PTPRG: variants seen among roughly 807,000 people sequenced by gnomAD.
The protein encoded by PTPRG is protein tyrosine phosphatase receptor type G, also known as receptor-type tyrosine-protein phosphatase gamma.
Under a neutral mutation model 165.3 loss-of-function variants are expected in PTPRG, and 102 were observed. That is an observed-to-expected ratio of 0.62 (90% CI 0.53 to 0.73). The LOEUF (loss-of-function observed/expected upper bound fraction) is 0.73. Among genes scored for constraint, PTPRG ranks in the 30% least tolerant of loss-of-function variants. The pLI is 0.00. For missense variants in PTPRG, 1,866 were observed against 1,861.4 expected (o/e 1.00, Z -0.05); for synonymous variants, 675 against 669.5 (o/e 1.01, Z -0.13).
rs1553662684 is a variant in PTPRG at position 62,265,896 on chromosome 3, T to TATATACACACACACACACACACAC, written c.2657-1513_2657-1512insTATACACACACACACACACACACA. Among the ~76,000 whole-genome samples, 973 of 130,574 alleles carry TATATACACACACACACACACACAC rather than the reference T, an allele frequency of 7.5e-3. 16 individuals are homozygous for TATATACACACACACACACACACAC. Among genetic ancestry groups the TATATACACACACACACACACACAC allele is most frequent in the East Asian group, 0.051 (228 of 4,484 alleles). The allele number at this position is 130,574 out of a possible 152,430, so 85.7% of individuals were successfully genotyped here. Reference sequence around the variant, plus strand: ...CACACGTATACATCTGTGCCTTATATACACACACACACACACACACACACA... The same window carrying TATATACACACACACACACACACAC: ...CACACGTATACATCTGTGCCTTATATATATACACACACACACACACACACACACACACACACACACACACACACA... On this transcript the variant is annotated intron_variant, in intron 17 of 29. Transcript: ENST00000474889.
chr3:62,081,249 T>G (rs1162068040), intron 5 of PTPRG, among the ~76,000 whole-genome samples: 1 of 123,492 alleles, frequency 8.1e-6, no homozygotes, highest in Non-Finnish European at 1.7e-5. Flanking sequence ...AGAGTGAGAC[T>G]CCGTCTCAAA....
intron 1 of PTPRG, among the ~76,000 whole-genome samples, chr3:61,607,450 A>G (rs925715576): frequency 1.5e-4 from 16 of 109,048 alleles, no homozygotes; most frequent in African/African-American, 4.8e-4. Flanking sequence ...AGATGCATCA[A>G]ACACTACTGT....
At chr3:61,837,009 A>G (rs2036487412) in intron 2 of PTPRG, among the ~76,000 whole-genome samples, 1 of 152,036 alleles carries the variant, frequency 6.6e-6, no homozygotes, top group African/African-American at 2.4e-5. Context: ...CTCCTGGGTT[A>G]AAGCGATTCT....
At chr3:61,779,807 C>T (rs1264618541) in intron 2 of PTPRG, among the ~76,000 whole-genome samples, 2 of 152,202 alleles carry the variant, frequency 1.3e-5, no homozygotes, top group African/African-American at 4.8e-5. Context: ...TGTCCTCCTG[C>T]TGGCACTTGC....
intron 28 of PTPRG, among the ~76,000 whole-genome samples, chr3:62,290,241 T>A (rs1029329596): frequency 6.6e-6 from 1 of 152,144 alleles, no homozygotes; most frequent in African/African-American, 2.4e-5. Flanking sequence ...AAAGACATTG[T>A]GTTCATGAAG....
intron 7 of PTPRG, among the ~76,000 whole-genome samples, chr3:62,164,064 G>T (rs1704871648): frequency 6.6e-6 from 1 of 152,182 alleles, no homozygotes; most frequent in Non-Finnish European, 1.5e-5. Flanking sequence ...CTATTAACCA[G>T]ATCTAGAAAA....
In PTPRG at chr3:61,668,311, T is replaced by TA. The variant is rs1447223562; in HGVS notation, c.86-80566dup. 1.6e-3 allele frequency among the ~76,000 whole-genome samples: 242 copies of TA among 152,328 alleles called. 1 individual carries two copies. Among genetic ancestry groups the TA allele is most frequent in the African/African-American group, 5.6e-3 (234 of 41,568 alleles). ...TGAAATCATTTACAGGACACCCCTCTATCAGGCATTTGGGGGAAGAGAAAG... is the reference window on the plus strand; with the variant it reads ...TGAAATCATTTACAGGACACCCCTCTAATCAGGCATTTGGGGGAAGAGAAAG... On this transcript the variant is annotated intron_variant, in intron 1 of 29. Coordinates refer to ENST00000474889, the MANE Select transcript of PTPRG (RefSeq NM_002841.4).
At chr3:62,104,635 G>T (rs958644742) in intron 5 of PTPRG, among the ~76,000 whole-genome samples, 1 of 152,134 alleles carries the variant, frequency 6.6e-6, no homozygotes, top group South Asian at 2.1e-4. Flanking sequence ...TTGTGTTTAC[G>T]CCAGTTGAGG....
intron 1 of PTPRG, among the ~76,000 whole-genome samples, chr3:61,600,188 ATATATGTGTGTGTG>A (rs1247972925): frequency 7.5e-6 from 1 of 133,278 alleles, no homozygotes; most frequent in African/African-American, 2.8e-5. Context: ...ATATATATAT[ATATATGTGTGTGTG>A]TGTGTGTGTG....
chr3:61,571,635 G>T lies in PTPRG; in HGVS notation c.85+9263G>T, dbSNP rs910858877. 2.6e-5 allele frequency among the ~76,000 whole-genome samples: 4 copies of T among 151,516 alleles called. No homozygotes were observed. The South Asian group carries it at 8.3e-4, about 32-fold the overall frequency. ...TAGAGTCTGAATTTGTTGGTGGTGA[G>T]TTTTTTTTTGACACTACTCCTCTTC... On this transcript the variant is annotated intron_variant, in intron 1 of 29. Coordinates refer to ENST00000474889, the MANE Select transcript of PTPRG (RefSeq NM_002841.4).
At chr3:62,288,567 G>A (rs1702758775) in intron 28 of PTPRG, among the ~76,000 whole-genome samples, 2 of 151,954 alleles carry the variant, frequency 1.3e-5, no homozygotes, top group South Asian at 4.2e-4. Flanking sequence ...CAGCTACTCG[G>A]GAGGCTGAGG....
intron 1 of PTPRG, among the ~76,000 whole-genome samples, chr3:61,586,719 C>T (rs1048476285): frequency 1.3e-5 from 2 of 152,182 alleles, no homozygotes; most frequent in African/African-American, 2.4e-5. Context: ...CACATCCCTT[C>T]GGTCTGGATG....
chr3:61,785,057 G>A (rs965986534), intron 2 of PTPRG, among the ~76,000 whole-genome samples: 2 of 152,094 alleles, frequency 1.3e-5, no homozygotes, highest in African/African-American at 2.4e-5. Context: ...AAATAGCTAA[G>A]GGAAAAAAGA....
At chr3:61,617,603 C>T (rs149072181) in intron 1 of PTPRG, among the ~76,000 whole-genome samples, 114 of 152,196 alleles carry the variant, frequency 7.5e-4, no homozygotes, top group Middle Eastern at 3.4e-3. Flanking sequence ...ACAGGCTTAC[C>T]GGGGAGGCAA....
chr3:61,766,135 CAG>C (rs112537549), intron 2 of PTPRG, among the ~76,000 whole-genome samples: 5 of 152,254 alleles, frequency 3.3e-5, no homozygotes, highest in African/African-American at 1.2e-4. Flanking sequence ...CAGAGTGGCT[CAG>C]AAATACTTTT....
chr3:61,668,912 T>C (rs1463949722), intron 1 of PTPRG, among the ~76,000 whole-genome samples: 1 of 152,212 alleles, frequency 6.6e-6, no homozygotes, highest in African/African-American at 2.4e-5. Context: ...ACATAGAGCT[T>C]TTTGCTTATA....
intron 4 of PTPRG, among the ~76,000 whole-genome samples, chr3:62,035,030 G>T (rs374273248): frequency 2.0e-5 from 3 of 152,128 alleles, no homozygotes; most frequent in African/African-American, 7.2e-5. Context: ...CTACAGTGGG[G>T]ACTCCACCAA....
chr3:62,284,103 T>G (rs1489940396), intron 28 of PTPRG, among the ~76,000 whole-genome samples: 2 of 151,848 alleles, frequency 1.3e-5, no homozygotes, highest in African/African-American at 4.8e-5. Flanking sequence ...TCTTATCATC[T>G]CTTGTCATCA....
At chr3:62,130,931 T>G (rs1703490787) in intron 5 of PTPRG, among the ~76,000 whole-genome samples, 1 of 141,886 alleles carries the variant, frequency 7.0e-6, no homozygotes, top group African/African-American at 2.6e-5. Context: ...TGGGTTCCTA[T>G]TCACTGATTT....
Sources: gnomAD v4.1 joint callset for allele counts (sites outside exome capture counted in the v4.1 genomes callset) on GRCh38, gnomAD v4.1.1 for gene constraint, MANE v1.5 for transcripts, NCBI Gene and HGNC (gene_info 2026-07-23, HGNC 2026-07-21) for gene names.